CD28: variants seen among roughly 807,000 people sequenced by gnomAD.
The protein encoded by CD28 is CD28 molecule, also known as T-cell-specific surface glycoprotein CD28.
In CD28, 8 loss-of-function variants were observed where a neutral mutation model predicts 21.4. The observed-to-expected ratio is 0.37, with a 90% CI of 0.22 to 0.68. The LOEUF (loss-of-function observed/expected upper bound fraction) is 0.68, where lower values mean the gene tolerates loss of function less well. Ranked by LOEUF, CD28 falls within the 30% of genes least tolerant of loss-of-function variation. CD28 has a pLI of 0.55. For missense variants in CD28, 239 were observed against 272.2 expected (o/e 0.88, Z 0.86); for synonymous variants, 106 against 104.0 (o/e 1.02, Z -0.12).
chr2:203,734,790 A>C lies in CD28; in HGVS notation c.541A>C (p.Ser181Arg). The change falls in exon 4 of 4, where the codon AGT becomes CGT. Residue 181 changes from serine to arginine, a missense_variant. Transcript: ENST00000324106. ...TVAFIIFWVRSKRSRLLHSDY... is the reference protein window; with the variant it reads ...TVAFIIFWVRRKRSRLLHSDY... The stretch of plus-strand genomic sequence containing the variant: ...ACACTTCTCTTTCCTGCAGGTGAGG[A>C]GTAAGAGGAGCAGGCTCCTGCACAG... 6.2e-7 allele frequency: 1 copy of C among 1,614,202 alleles called. No individual in the cohort carries two copies. The highest frequency in any genetic ancestry group is 8.5e-7 in the Non-Finnish European group (1 of 1,180,030).
intron 1 of CD28, among the ~76,000 whole-genome samples, chr2:203,717,879 A>G (rs1693502503): frequency 6.6e-6 from 1 of 152,160 alleles, no homozygotes; most frequent in African/African-American, 2.4e-5. Context: ...ATTTCTTGTG[A>G]AAATGGGAAG....
chr2:203,710,083 A>T (rs1268224906), intron 1 of CD28, among the ~76,000 whole-genome samples: 1 of 152,354 alleles, frequency 6.6e-6, no homozygotes, highest in South Asian at 2.1e-4. Context: ...TGTTTCTCAC[A>T]GTTAAGTGTT....
Position 203,729,632 on chromosome 2 carries a change from C to A in CD28, c.410-16C>A. On this transcript the variant is annotated splice_polypyrimidine_tract_variant and intron_variant, in intron 2 of 3. Transcript: ENST00000324106. ...CTATTCCTGTATCATTTAATCCACTCTATTTTGTTTTTCAGGGAAACACCT... is the reference window on the plus strand; with the variant it reads ...CTATTCCTGTATCATTTAATCCACTATATTTTGTTTTTCAGGGAAACACCT... 6.2e-7 allele frequency: 1 copy of A among 1,611,490 alleles called. No homozygotes were observed. Among genetic ancestry groups the A allele is most frequent in the South Asian group, 1.1e-5 (1 of 90,432 alleles).
At position 203,735,135 on chromosome 2, in the gene CD28, A is replaced by G; in HGVS notation, c.*223A>G. ...GTGACAGGCCAAGTCTTACAGTGCC[A>G]TGGCCCACATTCCAACTTACCATGT... On this transcript the variant is annotated 3_prime_UTR_variant, in exon 4 of 4. Transcript: ENST00000324106. 1.8e-6 allele frequency: 1 copy of G among 561,518 alleles called. No individual in the cohort carries two copies. The highest frequency in any genetic ancestry group is 3.1e-6 in the Non-Finnish European group (1 of 321,164). The allele number at this position is 561,518 out of a possible 1,614,324, so 34.8% of individuals were successfully genotyped here.
At chr2:203,728,253 T>G (rs927546144) in intron 2 of CD28, among the ~76,000 whole-genome samples, 3 of 152,240 alleles carry the variant, frequency 2.0e-5, no homozygotes, top group Non-Finnish European at 4.4e-5. Context: ...TGTTAAGCAG[T>G]ATTTGTGAAT....
chr2:203,708,203 C>T (rs772252586), intron 1 of CD28, among the ~76,000 whole-genome samples: 2 of 152,098 alleles, frequency 1.3e-5, no homozygotes, highest in South Asian at 4.1e-4. Context: ...TGCATATATA[C>T]CCGTTTATTT....
chr2:203,710,661 A>G (rs573254255), intron 1 of CD28, among the ~76,000 whole-genome samples: 12 of 152,326 alleles, frequency 7.9e-5, no homozygotes, highest in African/African-American at 2.4e-4. Flanking sequence ...TGACATTTAC[A>G]AAAGGAAAAT....
chr2:203,731,273 G>A (rs1693881691), intron 3 of CD28, among the ~76,000 whole-genome samples: 1 of 152,208 alleles, frequency 6.6e-6, no homozygotes. Context: ...CACCTTTCCA[G>A]ATCTTGGTAT....
chr2:203,715,573 G>A (rs1319327685), intron 1 of CD28, among the ~76,000 whole-genome samples: 1 of 152,116 alleles, frequency 6.6e-6, no homozygotes, highest in Non-Finnish European at 1.5e-5. Flanking sequence ...CTGAGTGGTA[G>A]GGATGGGTTA....
chr2:203,710,511 C>T (rs1693284574), intron 1 of CD28, among the ~76,000 whole-genome samples: 1 of 152,204 alleles, frequency 6.6e-6, no homozygotes, highest in Admixed American at 6.5e-5. Flanking sequence ...CTCGCTGCCT[C>T]CCCTTCTTTA....
At chr2:203,727,812 TGG>T (rs1468446041) in intron 2 of CD28, among the ~76,000 whole-genome samples, 1 of 152,196 alleles carries the variant, frequency 6.6e-6, no homozygotes, top group Non-Finnish European at 1.5e-5. Context: ...CCTGAGTAGC[TGG>T]GACTACAGGT....
Position 203,735,067 on chromosome 2 carries a change from A to G in CD28, c.*155A>G. 1.3e-6 allele frequency: 1 copy of G among 788,552 alleles called. No homozygotes were observed. The highest frequency in any genetic ancestry group is 2.0e-6 in the Non-Finnish European group (1 of 502,726). The allele number at this position is 788,552 out of a possible 1,614,324, so 48.8% of individuals were successfully genotyped here. ...TTCTCGAGTGACTAGACCAAATATC[A>G]AGATCATTTTGAGACTCTGAAATGA... On this transcript the variant is annotated 3_prime_UTR_variant, in exon 4 of 4. Transcript: ENST00000324106.
chr2:203,737,082 TTG>T lies in CD28; in HGVS notation c.*2172_*2173del, dbSNP rs1694057140. The T allele has an allele frequency of 1.3e-5, 2 of 152,386 alleles. No homozygotes were observed. The highest frequency in any genetic ancestry group is 3.8e-4 in the East Asian group (2 of 5,196). 9.4% of individuals were successfully genotyped at this position (152,386 alleles called of 1,614,324 possible). A position where few individuals can be genotyped will look rare whatever the true frequency, so the allele number is the denominator to read the frequency against. ...TTCCTGTTTCTTGAAATAGTTTATC[TTG>T]TAATGAAATATAAGGCACCTCCCAC... is the stretch of plus-strand genomic sequence containing the variant. On this transcript the variant is annotated 3_prime_UTR_variant, in exon 4 of 4. Transcript: ENST00000324106.
chr2:203,718,291 G>C (rs1202201135), intron 1 of CD28, among the ~76,000 whole-genome samples: 1 of 152,142 alleles, frequency 6.6e-6, no homozygotes, highest in Non-Finnish European at 1.5e-5. Flanking sequence ...GCCTGAAAAG[G>C]AGCCAGTGGT....
intron 1 of CD28, among the ~76,000 whole-genome samples, chr2:203,715,333 G>T (rs1307046076): frequency 6.6e-6 from 1 of 152,146 alleles, no homozygotes. Context: ...TTTGATTTTG[G>T]GGAGTTGTCT....
rs1404016384 is a variant in CD28 at position 203,734,852 on chromosome 2, C to A, written c.603C>A (p.Pro201=). The A allele has an allele frequency of 6.2e-7, 1 of 1,614,228 alleles. No homozygotes were observed. Among genetic ancestry groups the A allele is most frequent in the East Asian group, 2.2e-5 (1 of 44,878 alleles). ...YMNMTPRRPG[P]TRKHYQPYAP... The stretch of plus-strand genomic sequence containing the variant: ...ACATGACTCCCCGCCGCCCCGGGCC[C>A]ACCCGCAAGCATTACCAGCCCTATG... Residue 201 remains proline (P), a synonymous_variant, in exon 4 of 4, where the codon CCC becomes CCA. Coordinates refer to ENST00000324106, the MANE Select transcript of CD28 (RefSeq NM_006139.4).
intron 2 of CD28, among the ~76,000 whole-genome samples, chr2:203,728,634 T>A (rs1347719060): frequency 1.3e-5 from 2 of 152,190 alleles, no homozygotes; most frequent in Non-Finnish European, 2.9e-5. Flanking sequence ...GTTTGCTGAG[T>A]CCTATTTAGA....
At position 203,711,489 on chromosome 2, in the gene CD28, A is replaced by G. The variant is rs143735576; in HGVS notation, c.52+4741A>G. ...CCTGCAAGGTGGTGGAGAAGTTCTT[A>G]CTTAACTTTGAGCTGCTCCCTTATC... is the stretch of plus-strand genomic sequence containing the variant. On this transcript the variant is annotated intron_variant, in intron 1 of 3. Coordinates refer to ENST00000324106, the MANE Select transcript of CD28 (RefSeq NM_006139.4). Among the ~76,000 whole-genome samples, 894 of 152,310 alleles carry G rather than the reference A, an allele frequency of 5.9e-3. 8 individuals are homozygous for G. The highest frequency in any genetic ancestry group is 0.02 in the African/African-American group (835 of 41,558).
At chr2:203,720,498 A>G (rs930982250) in intron 1 of CD28, among the ~76,000 whole-genome samples, 2 of 152,234 alleles carry the variant, frequency 1.3e-5, no homozygotes, top group Non-Finnish European at 2.9e-5. Flanking sequence ...CCTGATACCC[A>G]AGTAGCCTAA....
Sources: allele counts gnomAD v4.1 joint callset (sites outside exome capture counted in the v4.1 genomes callset), GRCh38; gene constraint gnomAD v4.1.1; transcripts MANE v1.5; gene names NCBI Gene and HGNC (gene_info 2026-07-23, HGNC 2026-07-21).